The following GPR158 variants were observed in gnomAD, a reference collection of about 807,000 sequenced individuals.
GPR158 encodes metabotropic glycine receptor.
GPR158 carries 30 observed loss-of-function variants against 78.2 expected under a neutral mutation model. The ratio of observed to expected loss-of-function variants is 0.38; its 90% CI spans 0.29 to 0.52. The LOEUF (loss-of-function observed/expected upper bound fraction) is 0.52, where lower values mean the gene tolerates loss of function less well. Among genes scored for constraint, GPR158 ranks in the 20% least tolerant of loss-of-function variants. The probability of loss-of-function intolerance (pLI) is 0.83; values close to 1 mark genes in which losing one functional copy is unlikely to be tolerated. For missense variants in GPR158, 1,463 were observed against 1,523.5 expected, an observed-to-expected ratio of 0.96 and a Z score of 0.66; for synonymous variants, 581 against 591.1, an observed-to-expected ratio of 0.98 and a Z score of 0.25.
chr10:25,545,190 A>G (rs1200015425), intron 5 of GPR158, among the ~76,000 whole-genome samples: 1 of 152,200 alleles, frequency 6.6e-6, no homozygotes, highest in Non-Finnish European at 1.5e-5. Flanking sequence ...TCTTTATAGT[A>G]GAATGTTTTA....
At chr10:25,295,539 G>A (rs930909401) in intron 2 of GPR158, among the ~76,000 whole-genome samples, 3 of 151,818 alleles carry the variant, frequency 2.0e-5, no homozygotes, top group Non-Finnish European at 2.9e-5. Context: ...TCAGCCTCCC[G>A]AGTAGCTGGG....
In GPR158 at chr10:25,487,705, T is replaced by C. The variant is rs185255483; in HGVS notation, c.1404+20986T>C. Among the ~76,000 whole-genome samples, 14 of 133,514 alleles carry C rather than the reference T, an allele frequency of 1.0e-4. No individual in the cohort carries two copies. The East Asian group carries it at 2.1e-3, about 20-fold the overall frequency. 87.6% of individuals were successfully genotyped at this position (133,514 alleles called of 152,430 possible). A position where few individuals can be genotyped will look rare whatever the true frequency, so the allele number is the denominator to read the frequency against. On this transcript the variant is annotated intron_variant, in intron 5 of 10. Coordinates refer to ENST00000376351, the MANE Select transcript of GPR158 (RefSeq NM_020752.3). ...TATGCATGCAGACCCATTTTATTCA[T>C]ATAGGGTAAGTTAAGGCCTGGGCTT...
intron 2 of GPR158, among the ~76,000 whole-genome samples, chr10:25,256,862 A>G (rs1055988853): frequency 2.6e-5 from 4 of 152,218 alleles, no homozygotes; most frequent in African/African-American, 9.7e-5. Flanking sequence ...TCCAAAAAGT[A>G]TTCTAGCAGA....
chr10:25,478,698 G>C (rs192530314), intron 5 of GPR158, among the ~76,000 whole-genome samples: 19 of 151,912 alleles, frequency 1.3e-4, no homozygotes, highest in African/African-American at 4.6e-4. Flanking sequence ...ACAGTGTGCA[G>C]GTTTGTTACG....
At chr10:25,463,051 T>G (rs1835377046) in intron 4 of GPR158, among the ~76,000 whole-genome samples, 1 of 152,188 alleles carries the variant, frequency 6.6e-6, no homozygotes, top group Non-Finnish European at 1.5e-5. Flanking sequence ...CTTCATTGTT[T>G]TCTTATTTTA....
At position 25,598,536 on chromosome 10, in the gene GPR158, T is replaced by C. The variant is rs752516768; in HGVS notation, c.2910T>C (p.Pro970=). The part of the protein sequence containing the change: ...NSNPAEEPRK[P]QKSGIMKQQR... ...ATCCTGCGGAGGAGCCAAGAAAGCC[T>C]CAGAAATCTGGGATTATGAAACAAC... Residue 970 remains proline (P), a synonymous_variant, in exon 11 of 11, where the codon CCT becomes CCC. Coordinates refer to ENST00000376351, the MANE Select transcript of GPR158 (RefSeq NM_020752.3). 6 of 1,613,754 alleles carry C rather than the reference T, an allele frequency of 3.7e-6. No homozygotes were observed. In the South Asian group the frequency reaches 6.6e-5, roughly 18 times the overall value.
chr10:25,284,725 TG>T (rs1854323287), intron 2 of GPR158, among the ~76,000 whole-genome samples: 1 of 151,934 alleles, frequency 6.6e-6, no homozygotes. Flanking sequence ...AAAAGTTGGG[TG>T]TTATTATTCC....
chr10:25,447,306 T>C (rs1835150637), intron 4 of GPR158, among the ~76,000 whole-genome samples: 1 of 152,216 alleles, frequency 6.6e-6, no homozygotes, highest in African/African-American at 2.4e-5. Flanking sequence ...TGATAGCTTT[T>C]AAAATAAACT....
In GPR158 at chr10:25,568,971, A is replaced by G. The variant is rs147186896; in HGVS notation, c.1515-3678A>G. On this transcript the variant is annotated intron_variant, in intron 6 of 10. Coordinates refer to ENST00000376351, the MANE Select transcript of GPR158 (RefSeq NM_020752.3). ...TTGTATTTCATACAAATGCATGTCT[A>G]CATATTCTTTTTTATAGTCTGACCT... Among the ~76,000 whole-genome samples, 1,074 of 152,314 alleles carry G rather than the reference A, an allele frequency of 7.1e-3. 8 individuals carry two copies. Among genetic ancestry groups the G allele is most frequent in the African/African-American group, 0.024 (1,012 of 41,570 alleles).
At chr10:25,472,249 G>T (rs2130624872) in intron 5 of GPR158, among the ~76,000 whole-genome samples, 1 of 151,882 alleles carries the variant, frequency 6.6e-6, no homozygotes, top group South Asian at 2.1e-4. Context: ...TTTTTGTCAG[G>T]TTTGTCAAAG....
chr10:25,371,392 C>T (rs149192904), intron 2 of GPR158, among the ~76,000 whole-genome samples: 2,394 of 151,628 alleles, frequency 0.016, 29 homozygotes, highest in Non-Finnish European at 0.024. Context: ...GAGCCCGCAT[C>T]GCCATGTCAA....
rs553947529 is a variant in GPR158, at chr10:25,391,639, C to T, written c.1009-4272C>T. 1.3e-4 allele frequency among the ~76,000 whole-genome samples: 20 copies of T among 152,278 alleles called. No individual in the cohort carries two copies. The South Asian group carries it at 1.5e-3, about 11-fold the overall frequency. On this transcript the variant is annotated intron_variant, in intron 2 of 10. Transcript: ENST00000376351. ...CCCATTGTATCCAGGAAGTAACTGA[C>T]TTGTTTTTGATCTTATAGGTTCATA...
chr10:25,563,084 A>G (rs1836879382), intron 6 of GPR158, among the ~76,000 whole-genome samples: 1 of 152,206 alleles, frequency 6.6e-6, no homozygotes, highest in Non-Finnish European at 1.5e-5. Context: ...TGATATTAAT[A>G]TAGCTACTTT....
intron 2 of GPR158, among the ~76,000 whole-genome samples, chr10:25,322,380 CAA>C (rs532114546): frequency 7.8e-6 from 1 of 128,822 alleles, no homozygotes; most frequent in Non-Finnish European, 1.7e-5. Context: ...GACTCCGTCT[CAA>C]AAAAAAAAAG....
chr10:25,341,332 A>C (rs1017345147), intron 2 of GPR158, among the ~76,000 whole-genome samples: 10 of 152,046 alleles, frequency 6.6e-5, no homozygotes, highest in African/African-American at 2.4e-4. Flanking sequence ...ACTTTAAAAT[A>C]TGCTAGAACA....
At chr10:25,242,002 T>C (rs570316104) in intron 2 of GPR158, among the ~76,000 whole-genome samples, 43 of 152,298 alleles carry the variant, frequency 2.8e-4, no homozygotes, top group African/African-American at 1.0e-3. Flanking sequence ...GTTGGCTAAG[T>C]GAGTAAATGA....
At chr10:25,245,038 A>G (rs949016640) in intron 2 of GPR158, among the ~76,000 whole-genome samples, 1 of 152,190 alleles carries the variant, frequency 6.6e-6, no homozygotes, top group African/African-American at 2.4e-5. Context: ...CTTGGGCATT[A>G]CCTATCCCAG....
intron 5 of GPR158, among the ~76,000 whole-genome samples, chr10:25,515,420 C>T (rs1306430888): frequency 6.7e-6 from 1 of 149,280 alleles, no homozygotes; most frequent in Non-Finnish European, 1.5e-5. Flanking sequence ...GCACATTGTG[C>T]AGGTTAGTTA....
chr10:25,583,093 G>C (rs746275112), intron 7 of GPR158, among the ~76,000 whole-genome samples: 3 of 152,206 alleles, frequency 2.0e-5, no homozygotes, highest in Non-Finnish European at 4.4e-5. Flanking sequence ...CTGGAGAACG[G>C]AGGTTCTCTG....
Sources: gnomAD v4.1 joint callset for allele counts (sites outside exome capture counted in the v4.1 genomes callset) on GRCh38, gnomAD v4.1.1 for gene constraint, MANE v1.5 for transcripts, NCBI Gene and HGNC (gene_info 2026-07-23, HGNC 2026-07-21) for gene names.